Variants in F2RL1 observed in about 807,000 individuals in gnomAD.
F2RL1 encodes the protein proteinase-activated receptor 2.
Under a neutral mutation model 21.7 loss-of-function variants are expected in F2RL1, and 16 were observed. The ratio of observed to expected loss-of-function variants is 0.74; its 90% CI spans 0.50 to 1.12. The LOEUF (loss-of-function observed/expected upper bound fraction) is 1.12, where lower values mean the gene tolerates loss of function less well. Ranked by LOEUF, F2RL1 falls within the 50% of genes most tolerant of loss-of-function variation. The pLI is 0.00. For missense variants in F2RL1, 432 were observed against 477.8 expected (o/e 0.90, Z 0.89); for synonymous variants, 181 against 186.7 (o/e 0.97, Z 0.25).
At chr5:76,832,576 C>A (rs928776791) in intron 1 of F2RL1, 114 bp from the exon 2 acceptor site, 4 of 1,085,606 alleles carry the variant, frequency 3.7e-6, no homozygotes, top group Non-Finnish European at 5.2e-6. Flanking sequence ...GACAGCGAGA[C>A]CCTGTCTCAT....
chr5:76,827,817 T>C (rs1750272061), intron 1 of F2RL1, among the ~76,000 whole-genome samples: 1 of 151,316 alleles, frequency 6.6e-6, no homozygotes, highest in Admixed American at 6.6e-5. Flanking sequence ...CCAGGTGGGC[T>C]CAAAACCCCG....
At position 76,833,519 on chromosome 5, in the gene F2RL1, C is replaced by A; in HGVS notation, c.912C>A (p.Asn304Lys). The stretch of plus-strand genomic sequence containing the variant: ...ACCTGATCTGCTTCACTCCTAGTAA[C>A]CTTCTGCTTGTGGTGCATTATTTTC... Reference protein sequence around the residue: ...AMYLICFTPSNLLLVVHYFLI... With the variant: ...AMYLICFTPSKLLLVVHYFLI... Residue 304 changes from asparagine to lysine, a missense_variant, in exon 2 of 2, where the codon AAC (asparagine) becomes AAA (lysine). Physicochemically the swap from Asn to Lys is moderately conservative, Grantham distance 94. Coordinates refer to ENST00000296677, the MANE Select transcript of F2RL1 (RefSeq NM_005242.6). 6.2e-7 allele frequency: 1 copy of A among 1,613,754 alleles called. No homozygotes were observed. Among genetic ancestry groups the A allele is most frequent in the Non-Finnish European group, 8.5e-7 (1 of 1,179,978 alleles).
At chr5:76,824,066 C>T (rs903171471) in intron 1 of F2RL1, among the ~76,000 whole-genome samples, 3 of 151,938 alleles carry the variant, frequency 2.0e-5, no homozygotes, top group African/African-American at 7.3e-5. Flanking sequence ...CCTGCCTCGG[C>T]CTCCCAAAGT....
At chr5:76,830,523 A>C (rs1038389099) in intron 1 of F2RL1, among the ~76,000 whole-genome samples, 5 of 151,990 alleles carry the variant, frequency 3.3e-5, no homozygotes, top group African/African-American at 1.2e-4. Context: ...TGATCCACCC[A>C]CCTCAGCCTC....
At chr5:76,821,235 CCCTTTA>C (rs1385961925) in intron 1 of F2RL1, among the ~76,000 whole-genome samples, 1 of 152,176 alleles carries the variant, frequency 6.6e-6, no homozygotes, top group Non-Finnish European at 1.5e-5. Flanking sequence ...GCTTCTCTTT[CCCTTTA>C]CAATAGTAAT....
At chr5:76,828,511 AC>A (rs1330353582) in intron 1 of F2RL1, among the ~76,000 whole-genome samples, 19 of 145,310 alleles carry the variant, frequency 1.3e-4, no homozygotes, top group African/African-American at 4.3e-4. Flanking sequence ...TAATATAGAG[AC>A]AGGGGCCTCA....
chr5:76,826,284 T>C (rs1247491541), intron 1 of F2RL1, among the ~76,000 whole-genome samples: 1 of 152,246 alleles, frequency 6.6e-6, no homozygotes. Flanking sequence ...CATAGAATTA[T>C]TCAACCATTA....
intron 1 of F2RL1, among the ~76,000 whole-genome samples, chr5:76,819,688 G>A (rs1479673855): frequency 5.3e-5 from 8 of 152,102 alleles, no homozygotes; most frequent in Non-Finnish European, 2.9e-5. Context: ...GCCAACTCCG[G>A]AGACTTCCTC....
chr5:76,833,679 G>T lies in F2RL1; in HGVS notation c.1072G>T (p.Ala358Ser). 1 of 1,613,888 alleles carries T rather than the reference G, an allele frequency of 6.2e-7. No individual in the cohort carries two copies. The highest frequency in any genetic ancestry group is 8.5e-7 in the Non-Finnish European group (1 of 1,180,002). ...SHDFRDHAKN[A>S]LLCRSVRTVK... is the part of the protein sequence containing the mutation. ...TGATTTCAGGGATCATGCAAAGAACGCTCTCCTTTGCCGAAGTGTCCGCAC... is the reference window on the plus strand; with the variant it reads ...TGATTTCAGGGATCATGCAAAGAACTCTCTCCTTTGCCGAAGTGTCCGCAC... The change falls in exon 2 of 2, where the codon GCT becomes TCT. Residue 358 changes from alanine (A) to serine (S), a missense_variant. Ala to Ser is a moderately conservative substitution (Grantham distance 99). Coordinates refer to ENST00000296677, the MANE Select transcript of F2RL1 (RefSeq NM_005242.6).
In F2RL1 at chr5:76,833,572, T is replaced by G. The variant is rs747922576; in HGVS notation, c.965T>G (p.Val322Gly). ...ATTAAGAGCCAGGGCCAGAGCCATG[T>G]CTATGCCCTGTACATTGTAGCCCTC... The part of the protein sequence containing the change: ...FLIKSQGQSH[V>G]YALYIVALCL... The change falls in exon 2 of 2, where the codon GTC becomes GGC. Residue 322 changes from valine to glycine, a missense_variant. Val to Gly is a moderately radical substitution (Grantham distance 109). Coordinates refer to ENST00000296677, the MANE Select transcript of F2RL1 (RefSeq NM_005242.6). The G allele has an allele frequency of 3.1e-6, 5 of 1,613,894 alleles. No homozygotes were observed. The Admixed American group carries it at 8.3e-5, about 27-fold the overall frequency.
At chr5:76,830,547 A>T (rs552734376) in intron 1 of F2RL1, among the ~76,000 whole-genome samples, 24 of 152,338 alleles carry the variant, frequency 1.6e-4, no homozygotes, top group African/African-American at 5.3e-4. Flanking sequence ...AAGTGCTGGG[A>T]TTACAGGCGT....
At chr5:76,820,192 T>C (rs369914016) in intron 1 of F2RL1, among the ~76,000 whole-genome samples, 163 of 152,242 alleles carry the variant, frequency 1.1e-3, no homozygotes, top group African/African-American at 3.8e-3. Flanking sequence ...CGAACTTGTA[T>C]TGCTGGGAGT....
chr5:76,822,834 G>A (rs2243015), intron 1 of F2RL1, among the ~76,000 whole-genome samples: 50 of 152,286 alleles, frequency 3.3e-4, no homozygotes, highest in African/African-American at 1.1e-3. Flanking sequence ...ATAGAGAAGA[G>A]AGGGTGAAAG....
chr5:76,823,937 C>G (rs1012106291), intron 1 of F2RL1, among the ~76,000 whole-genome samples: 1 of 151,478 alleles, frequency 6.6e-6, no homozygotes, highest in Non-Finnish European at 1.5e-5. Flanking sequence ...CACAGCCTCC[C>G]AAGCAGCTGG....
At chr5:76,831,628 G>GA (rs1750350493) in intron 1 of F2RL1, among the ~76,000 whole-genome samples, 3 of 150,078 alleles carry the variant, frequency 2.0e-5, no homozygotes, top group Non-Finnish European at 4.4e-5. Context: ...CCACTTCCGG[G>GA]GTTCAAGCGA....
rs549942397 is a variant in F2RL1, at chr5:76,823,957, C to T, written c.82+4693C>T. On this transcript the variant is annotated intron_variant, in intron 1 of 1. Coordinates refer to ENST00000296677, the MANE Select transcript of F2RL1 (RefSeq NM_005242.6). ...CCTCCCAAGCAGCTGGGACTACAGACGCCCGCCACCATGCCCGGCTAATTT... is the reference window on the plus strand; with the variant it reads ...CCTCCCAAGCAGCTGGGACTACAGATGCCCGCCACCATGCCCGGCTAATTT... Among the ~76,000 whole-genome samples, 89 of 151,646 alleles carry T rather than the reference C, an allele frequency of 5.9e-4. 1 individual carries two copies. Among genetic ancestry groups the T allele is most frequent in the African/African-American group, 2.0e-3 (81 of 41,376 alleles).
chr5:76,824,120 C>T (rs1191125377), intron 1 of F2RL1, among the ~76,000 whole-genome samples: 2 of 147,686 alleles, frequency 1.4e-5, no homozygotes, highest in Non-Finnish European at 3.0e-5. Context: ...CCTGTACAAA[C>T]TTTTATAGGG....
chr5:76,830,342 A>G (rs1251864218), intron 1 of F2RL1, among the ~76,000 whole-genome samples: 1 of 152,180 alleles, frequency 6.6e-6, no homozygotes, highest in Non-Finnish European at 1.5e-5. Context: ...CAGTGGCGCA[A>G]TCTTGGCTCA....
intron 1 of F2RL1, among the ~76,000 whole-genome samples, chr5:76,819,632 C>T (rs1384554790): frequency 6.6e-6 from 1 of 152,168 alleles, no homozygotes; most frequent in Non-Finnish European, 1.5e-5. Context: ...TAGTCCCCTC[C>T]CCGGGCTTGG....
Sources: allele counts gnomAD v4.1 joint callset (sites outside exome capture counted in the v4.1 genomes callset), GRCh38; gene constraint gnomAD v4.1.1; transcripts MANE v1.5; gene names NCBI Gene and HGNC (gene_info 2026-07-23, HGNC 2026-07-21).